Variants in GMDS observed in about 807,000 individuals in gnomAD.
GMDS encodes the protein GDP-mannose 4,6 dehydratase.
Under a neutral mutation model 49.9 loss-of-function variants are expected in GMDS, and 20 were observed. The ratio of observed to expected loss-of-function variants is 0.40; its 90% CI spans 0.28 to 0.58. GMDS has a LOEUF of 0.58. Among genes scored for constraint, GMDS ranks in the 20% least tolerant of loss-of-function variants. The pLI, the probability that GMDS is intolerant of heterozygous loss-of-function variation, is 0.42. For missense variants in GMDS, 362 were observed against 481.4 expected (o/e 0.75, Z 2.32); for synonymous variants, 177 against 178.6 (o/e 0.99, Z 0.07).
chr6:1,980,601 T>C (rs1765169217), intron 4 of GMDS, among the ~76,000 whole-genome samples: 1 of 152,140 alleles, frequency 6.6e-6, no homozygotes, highest in Admixed American at 6.5e-5. Flanking sequence ...ACAATAATAG[T>C]GGGAGACTTT....
Position 2,045,382 on chromosome 6 carries a change from C to T in GMDS, c.345+70389G>A, listed in dbSNP as rs527804379. 8.3e-4 allele frequency among the ~76,000 whole-genome samples: 126 copies of T among 151,384 alleles called. 1 individual carries two copies. Among genetic ancestry groups the T allele is most frequent in the African/African-American group, 2.9e-3 (120 of 41,342 alleles). ...TTCTTATATTTATTAATTCCTTCCT[C>T]TATTTTTTCAGGTTCTTTTTTTTTT... On this transcript the variant is annotated intron_variant, in intron 4 of 10. Coordinates refer to ENST00000380815, the MANE Select transcript of GMDS (RefSeq NM_001500.4).
intron 7 of GMDS, among the ~76,000 whole-genome samples, chr6:1,863,925 T>C (rs1479383635): frequency 1.3e-5 from 2 of 152,102 alleles, no homozygotes. Flanking sequence ...ATGTGTCATT[T>C]AAAAAAAGCA....
chr6:1,720,870 GT>G (rs2113422674), intron 9 of GMDS, among the ~76,000 whole-genome samples: 1 of 152,304 alleles, frequency 6.6e-6, no homozygotes, highest in South Asian at 2.1e-4. Context: ...AAGGGATAGA[GT>G]GGGGGGATCT....
At chr6:1,655,476 TACACACACACACACACACATACACAC>T (rs1336589147) in intron 9 of GMDS, among the ~76,000 whole-genome samples, 1 of 81,086 alleles carries the variant, frequency 1.2e-5, no homozygotes, top group Non-Finnish European at 2.8e-5. Context: ...TTGAAAGCCT[TACACACACACACACACACATACACAC>T]ACACACACAC....
At chr6:2,134,226 G>C (rs576883889) in intron 1 of GMDS, among the ~76,000 whole-genome samples, 1 of 152,324 alleles carries the variant, frequency 6.6e-6, no homozygotes, top group East Asian at 1.9e-4. Context: ...TACTGAGACT[G>C]CAGTTTGAAC....
chr6:1,655,448 T>G (rs1763842055), intron 9 of GMDS, among the ~76,000 whole-genome samples: 1 of 151,780 alleles, frequency 6.6e-6, no homozygotes, highest in African/African-American at 2.4e-5. Flanking sequence ...ATATTTACAT[T>G]AGTTTTTTTC....
At chr6:1,709,605 T>C (rs891238243) in intron 9 of GMDS, among the ~76,000 whole-genome samples, 4 of 152,194 alleles carry the variant, frequency 2.6e-5, no homozygotes, top group African/African-American at 9.7e-5. Flanking sequence ...GAGCTGATTG[T>C]CACAGATGGA....
At chr6:1,776,237 A>G (rs1428786014) in intron 7 of GMDS, among the ~76,000 whole-genome samples, 1 of 152,222 alleles carries the variant, frequency 6.6e-6, no homozygotes, top group Non-Finnish European at 1.5e-5. Flanking sequence ...TCGAGTTTGG[A>G]AAGTCAGAGG....
At chr6:1,848,311 C>T (rs972764744) in intron 7 of GMDS, among the ~76,000 whole-genome samples, 1 of 152,146 alleles carries the variant, frequency 6.6e-6, no homozygotes, top group Admixed American at 6.5e-5. Context: ...TCTGTTCCCA[C>T]CACCCAGAAT....
chr6:1,906,622 G>A (rs980874439), intron 7 of GMDS, among the ~76,000 whole-genome samples: 1 of 152,128 alleles, frequency 6.6e-6, no homozygotes, highest in African/African-American at 2.4e-5. Context: ...AGAGGTTAGT[G>A]GGGTGTGAAG....
At chr6:1,632,529 G>C (rs942028593) in intron 9 of GMDS, among the ~76,000 whole-genome samples, 1 of 152,168 alleles carries the variant, frequency 6.6e-6, no homozygotes, top group African/African-American at 2.4e-5. Flanking sequence ...TGTCAGAACA[G>C]ATCAAACTGC....
chr6:1,734,377 C>T (rs538613377), intron 8 of GMDS, among the ~76,000 whole-genome samples: 1 of 152,308 alleles, frequency 6.6e-6, no homozygotes, highest in Non-Finnish European at 1.5e-5. Context: ...ATCGTGGGGC[C>T]CTTATGAATG....
intron 4 of GMDS, among the ~76,000 whole-genome samples, chr6:2,071,548 C>T (rs536206848): frequency 6.6e-6 from 1 of 152,080 alleles, no homozygotes; most frequent in South Asian, 2.1e-4. Flanking sequence ...TACAGGTGTA[C>T]AAGAACAACA....
At chr6:1,790,152 C>A (rs983978283) in intron 7 of GMDS, among the ~76,000 whole-genome samples, 3 of 152,182 alleles carry the variant, frequency 2.0e-5, no homozygotes, top group Non-Finnish European at 4.4e-5. Flanking sequence ...ATCAATCCTA[C>A]TCACTTGGTG....
At chr6:1,667,923 C>T (rs1324305328) in intron 9 of GMDS, among the ~76,000 whole-genome samples, 5 of 151,648 alleles carry the variant, frequency 3.3e-5, no homozygotes, top group South Asian at 2.1e-4. Flanking sequence ...GGACCCTCTC[C>T]GTATTCAAAC....
intron 4 of GMDS, among the ~76,000 whole-genome samples, chr6:2,089,788 C>G (rs188466541): frequency 2.2e-4 from 34 of 152,284 alleles, no homozygotes; most frequent in Admixed American, 1.4e-3. Context: ...CCAAGCAGTA[C>G]GTCTTTGGAT....
intron 1 of GMDS, among the ~76,000 whole-genome samples, chr6:2,146,128 G>C (rs1424539119): frequency 6.6e-6 from 1 of 152,200 alleles, no homozygotes; most frequent in African/African-American, 2.4e-5. Flanking sequence ...TAGCAGATTA[G>C]CCAAAGTTTG....
intron 7 of GMDS, among the ~76,000 whole-genome samples, chr6:1,854,179 A>G (rs935706503): frequency 3.3e-5 from 5 of 152,236 alleles, no homozygotes; most frequent in Admixed American, 6.5e-5. Context: ...TAAAAGTCGT[A>G]TTTTAATGTG....
intron 7 of GMDS, among the ~76,000 whole-genome samples, chr6:1,924,486 G>A (rs1003623855): frequency 1.3e-5 from 2 of 152,120 alleles, no homozygotes; most frequent in South Asian, 2.1e-4. Flanking sequence ...AAGAGCAAGG[G>A]GCCTTTTTTG....
Sources: gnomAD v4.1 joint callset for allele counts (sites outside exome capture counted in the v4.1 genomes callset) on GRCh38, gnomAD v4.1.1 for gene constraint, MANE v1.5 for transcripts, NCBI Gene and HGNC (gene_info 2026-07-23, HGNC 2026-07-21) for gene names.